NT5DC4: variants seen among roughly 807,000 people sequenced by gnomAD.
NT5DC4 encodes the protein 5'-nucleotidase domain-containing protein 4.
In NT5DC4, 44 loss-of-function variants were observed where a neutral mutation model predicts 26.6. The ratio of observed to expected loss-of-function variants is 1.65; its 90% CI spans 1.30 to 2.13. The LOEUF (loss-of-function observed/expected upper bound fraction) is 2.13. NT5DC4 is among the 30% of genes most tolerant of loss of function. The pLI, the probability that NT5DC4 is intolerant of heterozygous loss-of-function variation, is 0.00. For synonymous variants in NT5DC4, 157 were observed against 86.7 expected (o/e 1.81, Z -4.51); for missense variants, 399 against 228.1 (o/e 1.75, Z -4.83).
chr2:112,729,605 C>T, intron 15 of NT5DC4, 22 bp from the exon 16 acceptor site: 1 of 717,752 alleles, frequency 1.4e-6, no homozygotes, highest in South Asian at 1.5e-5. Flanking sequence ...TGCTTCACCT[C>T]CACCTGCATT....
chr2:112,726,139 G>A lies in NT5DC4; in HGVS notation c.1154-99G>A, dbSNP rs577748926. On this transcript the variant is annotated intron_variant, in intron 13 of 16. Transcript: ENST00000688554. ...GGGTGTTATGCACACAGCTCAGGGT[G>A]TGCAAGTCCTCCGCTGGGCCAGGGC... The A allele has an allele frequency of 2.5e-4, 173 of 703,646 alleles. No individual in the cohort carries two copies. In the South Asian group the frequency reaches 2.6e-3, roughly 11 times the overall value. The allele number at this position is 703,646 out of a possible 1,614,324, so 43.6% of individuals were successfully genotyped here. A position where few individuals can be genotyped will look rare whatever the true frequency, so the allele number is the denominator to read the frequency against.
downstream of NT5DC4, among the ~76,000 whole-genome samples, chr2:112,742,237 A>G (rs1275336775): frequency 3.9e-5 from 6 of 152,348 alleles, no homozygotes; most frequent in South Asian, 4.1e-4. Context: ...TTGGCACAAT[A>G]TATGTCTCAT....
intron 15 of NT5DC4, among the ~76,000 whole-genome samples, chr2:112,728,696 T>G (rs1481622066): frequency 6.6e-6 from 1 of 152,232 alleles, no homozygotes; most frequent in African/African-American, 2.4e-5. Context: ...TGCACTGGGC[T>G]GGGTGCTTTT....
intron 16 of NT5DC4, among the ~76,000 whole-genome samples, chr2:112,733,330 C>T (rs1378429322): frequency 1.3e-5 from 2 of 150,086 alleles, no homozygotes; most frequent in Non-Finnish European, 2.9e-5. Flanking sequence ...CACACCATTG[C>T]TTCCAAGACT....
At position 112,738,935 on chromosome 2, in the gene NT5DC4, A is replaced by G; in HGVS notation, c.1367A>G (p.Ter456=). The G allele has an allele frequency of 6.2e-7, 1 of 1,614,152 alleles. No homozygotes were observed. Among genetic ancestry groups the G allele is most frequent in the East Asian group, 2.2e-5 (1 of 44,890 alleles). Residue 456 remains the stop codon, a stop_retained_variant, in exon 17 of 17, where the codon TAA becomes TGA. Transcript: ENST00000688554. Reference sequence around the variant, plus strand: ...CAGTTCATCAAGAGAAGCCACTACTAAATCGTGTTCCTGCAGCATTTCTGG... The same window carrying G: ...CAGTTCATCAAGAGAAGCCACTACTGAATCGTGTTCCTGCAGCATTTCTGG... ...NQRFIKRSHY[*] is the part of the protein sequence containing the mutation.
chr2:112,723,051 G>A (rs998379676), intron 6 of NT5DC4, 30 bp from the exon 7 acceptor site: 18 of 696,308 alleles, frequency 2.6e-5, no homozygotes, highest in Non-Finnish European at 3.7e-5. Context: ...CCCCTTATTG[G>A]CCTCCCCGTC....
chr2:112,719,840 T>TCCCTCCC (rs1676656785), upstream of NT5DC4, among the ~76,000 whole-genome samples: 4 of 78,420 alleles, frequency 5.1e-5, no homozygotes, highest in Admixed American at 1.3e-4. Context: ...CCTTCCTTCC[T>TCCCTCCC]TCCCTCCCTC....
chr2:112,731,991 C>T (rs1181624692), intron 16 of NT5DC4, among the ~76,000 whole-genome samples: 2 of 145,254 alleles, frequency 1.4e-5, no homozygotes, highest in Admixed American at 7.0e-5. Context: ...GGCACGATCT[C>T]GGCTCCACCT....
At chr2:112,719,844 C>CTCCT (rs1676658895), upstream of NT5DC4, among the ~76,000 whole-genome samples, 1 of 119,296 alleles carries the variant, frequency 8.4e-6, no homozygotes, top group Non-Finnish European at 1.8e-5. Flanking sequence ...CCTTCCTTCC[C>CTCCT]TCCCTCCCTC....
chr2:112,730,310 C>CAAAAA lies in NT5DC4; in HGVS notation c.1344+623_1344+627dup, dbSNP rs11375761. On this transcript the variant is annotated intron_variant, in intron 16 of 16. Transcript: ENST00000688554. ...CCTGGGCAACAGGGAAAGACTGTCT[C>CAAAAA]AAAAAAAAAAAAAAAAAAAAAGCGA... Among the ~76,000 whole-genome samples, 59 of 76,056 alleles carry CAAAAA rather than the reference C, an allele frequency of 7.8e-4. 3 individuals carry two copies. Among genetic ancestry groups the CAAAAA allele is most frequent in the African/African-American group, 8.1e-4 (15 of 18,532 alleles). 49.9% of individuals were successfully genotyped at this position (76,056 alleles called of 152,430 possible).
chr2:112,734,173 G>A (rs201725022), intron 16 of NT5DC4, among the ~76,000 whole-genome samples: 66 of 86,408 alleles, frequency 7.6e-4, no homozygotes, highest in Non-Finnish European at 1.2e-3. Flanking sequence ...ATATATATGT[G>A]TGTGTGTGTG....
intron 10 of NT5DC4, 196 bp from the exon 11 acceptor site, chr2:112,724,585 A>G (rs1399328806): frequency 6.7e-6 from 4 of 597,832 alleles, no homozygotes; most frequent in African/African-American, 5.6e-5. Flanking sequence ...ACCCACCTCC[A>G]CAAGGTCCTT....
At chr2:112,739,474 T>G (rs10165537), downstream of NT5DC4, among the ~76,000 whole-genome samples, 69,572 of 152,060 alleles carry the variant, frequency 0.46, 15,929 homozygotes, top group Middle Eastern at 0.58. Context: ...TGTCCATCTG[T>G]TCTTGGATGG....
intron 9 of NT5DC4, 50 bp downstream of exon 9, chr2:112,723,852 G>A (rs1217253780): frequency 1.4e-6 from 1 of 714,696 alleles, no homozygotes; most frequent in East Asian, 2.7e-5. Flanking sequence ...CCTGGCCCCA[G>A]GGGACACAGT....
At chr2:112,722,918 A>AATCCTGC (rs56822060) in intron 6 of NT5DC4, 147 bp downstream of exon 6, 631,009 of 654,022 alleles carry the variant, frequency 0.96, 305,293 homozygotes, top group Non-Finnish European at 0.99. Flanking sequence ...GCAGGCTAGC[A>AATCCTGC]CACACCCTTA....
intron 16 of NT5DC4, chr2:112,737,889 GTTGTT>G (rs975008578): frequency 6.6e-6 from 1 of 152,148 alleles, no homozygotes; most frequent in African/African-American, 2.4e-5. Flanking sequence ...GAAATTTAAT[GTTGTT>G]TTAAGATAAT....
At chr2:112,719,833 TC>T (rs1458914863), upstream of NT5DC4, among the ~76,000 whole-genome samples, 2 of 96,446 alleles carry the variant, frequency 2.1e-5, no homozygotes, top group African/African-American at 6.4e-5. Flanking sequence ...TTCCCTTCCT[TC>T]CTTCCTTCCC....
chr2:112,719,183 T>C (rs1676614424), upstream of NT5DC4, among the ~76,000 whole-genome samples: 1 of 152,134 alleles, frequency 6.6e-6, no homozygotes, highest in Non-Finnish European at 1.5e-5. Flanking sequence ...ACCACAAACA[T>C]GTGAGTGATG....
intron 1 of NT5DC4, chr2:112,721,414 G>A: frequency 2.8e-6 from 2 of 712,360 alleles, no homozygotes; most frequent in Admixed American, 2.0e-5. Context: ...ACAGTGACAT[G>A]TGCTATCCAA....
Sources: gnomAD v4.1 joint callset for allele counts (sites outside exome capture counted in the v4.1 genomes callset) on GRCh38, gnomAD v4.1.1 for gene constraint, MANE v1.5 for transcripts, NCBI Gene and HGNC (gene_info 2026-07-23, HGNC 2026-07-21) for gene names.